The following SLC16A2 variants were observed in gnomAD, a reference collection of about 807,000 sequenced individuals.
SLC16A2 encodes the protein solute carrier family 16 member 2, also known as monocarboxylate transporter 8.
In SLC16A2, 3 loss-of-function variants were observed where a neutral mutation model predicts 27.2. The observed-to-expected ratio is 0.11, with a 90% confidence interval of 0.05 to 0.28. The LOEUF is 0.28. Among genes scored for constraint, SLC16A2 ranks in the 10% least tolerant of loss-of-function variants. The pLI is 1.00. For missense variants in SLC16A2, 295 were observed against 458.5 expected (o/e 0.64, Z 3.26); for synonymous variants, 202 against 187.8 (o/e 1.08, Z -0.62).
intron 1 of SLC16A2, among the ~76,000 whole-genome samples, chrX:74,466,825 C>A (rs1338101877): frequency 8.9e-6 from 1 of 112,286 alleles, no homozygotes; most frequent in Admixed American, 9.5e-5. Context: ...AATTTACCAA[C>A]CTTGGTCTAG....
At chrX:74,445,335 A>C (rs28530611) in intron 1 of SLC16A2, among the ~76,000 whole-genome samples, 1 of 110,640 alleles carries the variant, frequency 9.0e-6, no homozygotes, top group Non-Finnish European at 1.9e-5. Context: ...AAATTAAGCA[A>C]TGGATCAAAA....
chrX:74,424,904 G>T (rs1041117535), intron 1 of SLC16A2, among the ~76,000 whole-genome samples: 1 of 111,921 alleles, frequency 8.9e-6, no homozygotes, highest in Non-Finnish European at 1.9e-5. Flanking sequence ...TGTTGACCAG[G>T]TTGGAGTGCA....
rs1256582027 is a variant in SLC16A2 at position 74,524,771 on chromosome X, G to A, written c.988G>A (p.Ala330Thr). ...CCGCATCTGGGCCTTCGGAATTGCTGCTGCTGCCCTTGGCTACTTTGTTCC... is the reference window on the plus strand; with the variant it reads ...CCGCATCTGGGCCTTCGGAATTGCTACTGCTGCCCTTGGCTACTTTGTTCC... ...TYRIWAFGIA[A>T]AALGYFVPYV... is the part of the protein sequence containing the mutation. The change falls in exon 3 of 6, where the codon GCT (alanine) becomes ACT (threonine). Residue 330 changes from alanine (A) to threonine (T), a missense_variant. Transcript: ENST00000587091. 3 of 1,209,023 alleles carry A rather than the reference G, an allele frequency of 2.5e-6. No homozygotes were observed. In the East Asian group the frequency reaches 8.9e-5, roughly 36 times the overall value.
intron 1 of SLC16A2, among the ~76,000 whole-genome samples, chrX:74,427,803 A>ACGCGCG (rs201603759): frequency 1.4e-5 from 1 of 72,336 alleles, no homozygotes; most frequent in African/African-American, 5.3e-5. Context: ...GCACGCGTGC[A>ACGCGCG]CGCGCGCGCA....
chrX:74,427,588 CCAGGAAGATG>C (rs1187094381), intron 1 of SLC16A2, among the ~76,000 whole-genome samples: 1 of 111,485 alleles, frequency 9.0e-6, no homozygotes, highest in Non-Finnish European at 1.9e-5. Context: ...GACCAGTTTC[CCAGGAAGATG>C]CACTGCTTTT....
chrX:74,472,375 A>G (rs1929373714), intron 1 of SLC16A2, among the ~76,000 whole-genome samples: 1 of 111,626 alleles, frequency 9.0e-6, no homozygotes, highest in Admixed American at 9.6e-5. Flanking sequence ...ATTTCTATAT[A>G]TGGTGTCATG....
In SLC16A2 at chrX:74,422,509, C is replaced by A. The variant is rs746827407; in HGVS notation, c.430+442C>A. On this transcript the variant is annotated intron_variant, in intron 1 of 5. Transcript: ENST00000587091. Reference sequence around the variant, plus strand: ...GGCGGGCTCTGAGAGAAGCACTGTACCGCTGATCTCCGCAGCAGCCCCCCG... The same window carrying A: ...GGCGGGCTCTGAGAGAAGCACTGTAACGCTGATCTCCGCAGCAGCCCCCCG... 5.1e-4 allele frequency among the ~76,000 whole-genome samples: 55 copies of A among 108,679 alleles called. 1 individual carries two copies. In the East Asian group the frequency reaches 0.016, roughly 31 times the overall value. 94.4% of individuals were successfully genotyped at this position (108,679 alleles called of 115,157 possible).
intron 1 of SLC16A2, among the ~76,000 whole-genome samples, chrX:74,468,676 A>C (rs1249916788): frequency 8.9e-6 from 1 of 112,040 alleles, no homozygotes; most frequent in East Asian, 2.8e-4. Flanking sequence ...ATTTTAAAAA[A>C]ATATTTAATT....
rs1409532562 is a variant in SLC16A2 at position 74,500,979 on chromosome X, G to A, written c.431-20011G>A. Among the ~76,000 whole-genome samples the A allele has an allele frequency of 1.8e-5, 2 of 108,414 alleles. 1 individual carries two copies. Among genetic ancestry groups the A allele is most frequent in the Middle Eastern group, 8.7e-3 (2 of 231 alleles). The allele number at this position is 108,414 out of a possible 115,157, so 94.1% of individuals were successfully genotyped here. On this transcript the variant is annotated intron_variant, in intron 1 of 5. Coordinates refer to ENST00000587091, the MANE Select transcript of SLC16A2 (RefSeq NM_006517.5). ...ATAAAATATGTTTCCCCCCATTTAT[G>A]TGCCATTAATTTTTCTTCATATATT...
At position 74,421,585 on chromosome X, in the gene SLC16A2, A is replaced by G. The variant is rs587784385; in HGVS notation, c.-53A>G. On this transcript the variant is annotated 5_prime_UTR_variant, in exon 1 of 6. Coordinates refer to ENST00000587091, the MANE Select transcript of SLC16A2 (RefSeq NM_006517.5). ...AGCAGCTGCAGCAGCAGAAACAAGT[A>G]CCAGCCACAAAGCGGCTCCTCTGGC... is the stretch of plus-strand genomic sequence containing the variant. The G allele has an allele frequency of 1.0e-5, 12 of 1,179,109 alleles. No homozygotes were observed. In the African/African-American group the frequency reaches 1.4e-4, roughly 14 times the overall value.
chrX:74,462,889 C>A (rs1569288991), intron 1 of SLC16A2, among the ~76,000 whole-genome samples: 1 of 112,050 alleles, frequency 8.9e-6, no homozygotes, highest in Non-Finnish European at 1.9e-5. Context: ...ACAGACTCAA[C>A]AAAGGGATCT....
intron 1 of SLC16A2, among the ~76,000 whole-genome samples, chrX:74,429,081 G>A (rs1408945598): frequency 9.0e-6 from 1 of 111,196 alleles, no homozygotes; most frequent in Non-Finnish European, 1.9e-5. Context: ...AGTCAAAAGT[G>A]CCTTTACAGG....
chrX:74,440,827 C>T (rs1029958947), intron 1 of SLC16A2, among the ~76,000 whole-genome samples: 4 of 110,245 alleles, frequency 3.6e-5, no homozygotes, highest in Admixed American at 9.7e-5. Context: ...TGTGTGCACG[C>T]GCATGCATGA....
rs760016025 is a variant in SLC16A2, at chrX:74,496,036, T to C, written c.431-24954T>C. ...CTCCTTGCTCTTCAAGGAGCCCAACTGCCCGGTCTTCCAGATAAGGAAGCA... is the reference window on the plus strand; with the variant it reads ...CTCCTTGCTCTTCAAGGAGCCCAACCGCCCGGTCTTCCAGATAAGGAAGCA... On this transcript the variant is annotated intron_variant, in intron 1 of 5. Transcript: ENST00000587091. Among the ~76,000 whole-genome samples the C allele has an allele frequency of 1.2e-4, 13 of 110,809 alleles. No individual in the cohort carries two copies. In the East Asian group the frequency reaches 3.4e-3, roughly 29 times the overall value.
chrX:74,507,701 G>C (rs1277409685), intron 1 of SLC16A2, among the ~76,000 whole-genome samples: 1 of 112,089 alleles, frequency 8.9e-6, no homozygotes, highest in Non-Finnish European at 1.9e-5. Context: ...TTATACCACA[G>C]AATACTACTC....
intron 1 of SLC16A2, chrX:74,473,977 T>TA: frequency 3.4e-6 from 1 of 294,342 alleles, no homozygotes. Flanking sequence ...AGACAGACTT[T>TA]AATGACGCTT....
At chrX:74,465,578 G>T (rs1219429659) in intron 1 of SLC16A2, among the ~76,000 whole-genome samples, 2 of 111,642 alleles carry the variant, frequency 1.8e-5, no homozygotes, top group East Asian at 5.6e-4. Flanking sequence ...AGCCCATTTT[G>T]TGGGGGTTGG....
chrX:74,469,568 C>T (rs983332593), intron 1 of SLC16A2, among the ~76,000 whole-genome samples: 1 of 111,156 alleles, frequency 9.0e-6, no homozygotes, highest in Non-Finnish European at 1.9e-5. Flanking sequence ...AGTTCCTTGA[C>T]GACTAAAGAT....
intron 1 of SLC16A2, among the ~76,000 whole-genome samples, chrX:74,518,384 G>A (rs1040778095): frequency 7.2e-5 from 8 of 111,266 alleles, no homozygotes; most frequent in African/African-American, 2.6e-4. Context: ...ATTTGAGGCC[G>A]GGAGTTTGAG....
Sources: gnomAD v4.1 joint callset for allele counts (sites outside exome capture counted in the v4.1 genomes callset) on GRCh38, gnomAD v4.1.1 for gene constraint, MANE v1.5 for transcripts, NCBI Gene and HGNC (gene_info 2026-07-23, HGNC 2026-07-21) for gene names.